Variants in BMAL1 observed in about 807,000 individuals in gnomAD.
BMAL1 encodes basic helix-loop-helix ARNT like 1, also known as basic helix-loop-helix ARNT-like protein 1.
chr11:13,381,560 A>C, the BMAL1 span, among the ~76,000 whole-genome samples: 13 of 152,180 alleles, frequency 8.5e-5, no homozygotes, highest in African/African-American at 2.9e-4. Context: ...AAGATTATTG[A>C]GTACCTCACA....
the BMAL1 span, among the ~76,000 whole-genome samples, chr11:13,323,164 G>A: frequency 6.6e-6 from 1 of 152,004 alleles, no homozygotes; most frequent in Admixed American, 6.6e-5. Flanking sequence ...AAGGGCCCAG[G>A]CAGAAGGAGC....
At chr11:13,337,428 C>T in the BMAL1 span, among the ~76,000 whole-genome samples, 1 of 151,950 alleles carries the variant, frequency 6.6e-6, no homozygotes, top group Non-Finnish European at 1.5e-5. Context: ...CTATTTATAT[C>T]TATTGATATA....
At chr11:13,377,518 G>A in the BMAL1 span, among the ~76,000 whole-genome samples, 24 of 151,976 alleles carry the variant, frequency 1.6e-4, no homozygotes, top group Admixed American at 3.3e-4. Flanking sequence ...AAATCACTTC[G>A]CAACTCTAGT....
chr11:13,364,685 A>C, the BMAL1 span, among the ~76,000 whole-genome samples: 1 of 152,190 alleles, frequency 6.6e-6, no homozygotes, highest in Non-Finnish European at 1.5e-5. Context: ...GCTCTCAGGC[A>C]CTATAGCTTG....
the BMAL1 span, chr11:13,376,587 C>A: frequency 6.4e-7 from 1 of 1,570,070 alleles, no homozygotes; most frequent in Non-Finnish European, 8.8e-7. Context: ...TTGAATGGTG[C>A]ACAGTTCTGA....
At chr11:13,381,706 G>A in the BMAL1 span, among the ~76,000 whole-genome samples, 1 of 152,172 alleles carries the variant, frequency 6.6e-6, no homozygotes, top group African/African-American at 2.4e-5. Context: ...GAATACTTGG[G>A]GATCTGCTGC....
the BMAL1 span, among the ~76,000 whole-genome samples, chr11:13,339,801 G>A: frequency 2.7e-4 from 41 of 152,036 alleles, no homozygotes; most frequent in Admixed American, 5.9e-4. Flanking sequence ...TTCCTCCCGA[G>A]CACTTACTGC....
chr11:13,303,095 A>G, the BMAL1 span, among the ~76,000 whole-genome samples: 1 of 152,320 alleles, frequency 6.6e-6, no homozygotes, highest in African/African-American at 2.4e-5. Flanking sequence ...TGAGGTAGGT[A>G]CTATTACTTC....
the BMAL1 span, chr11:13,354,199 G>T: frequency 1.7e-4 from 25 of 144,584 alleles, no homozygotes; most frequent in South Asian, 4.4e-4. Flanking sequence ...CTCCCCCCCC[G>T]GCCCCCCACC....
the BMAL1 span, chr11:13,354,275 C>T: frequency 6.5e-7 from 1 of 1,534,110 alleles, no homozygotes; most frequent in Admixed American, 1.9e-5. Flanking sequence ...ATAAACACAC[C>T]TTTGTGCCTC....
the BMAL1 span, chr11:13,356,272 C>T: frequency 2.2e-6 from 1 of 457,772 alleles, no homozygotes; most frequent in Non-Finnish European, 4.4e-6. Context: ...TAATTCCACC[C>T]TCCTCACTTC....
the BMAL1 span, among the ~76,000 whole-genome samples, chr11:13,371,219 G>T: frequency 6.6e-6 from 1 of 152,140 alleles, no homozygotes; most frequent in Admixed American, 6.5e-5. Flanking sequence ...GTCTATAGGT[G>T]CTCCACATTT....
chr11:13,362,761 C>T, the BMAL1 span, among the ~76,000 whole-genome samples: 2 of 152,188 alleles, frequency 1.3e-5, no homozygotes, highest in Non-Finnish European at 2.9e-5. Context: ...ATCTCGAGAG[C>T]TGCCGTCGGT....
chr11:13,332,371 A>C, the BMAL1 span, among the ~76,000 whole-genome samples: 1 of 152,300 alleles, frequency 6.6e-6, no homozygotes, highest in Non-Finnish European at 1.5e-5. Flanking sequence ...TGTTTTTCCT[A>C]ATCTTTGATA....
the BMAL1 span, among the ~76,000 whole-genome samples, chr11:13,303,479 C>G: frequency 6.6e-6 from 1 of 152,078 alleles, no homozygotes; most frequent in Admixed American, 6.6e-5. Context: ...CAAAGAAGGC[C>G]TCATTGAGAG....
chr11:13,380,576 A>C, the BMAL1 span: 1 of 152,338 alleles, frequency 6.6e-6, no homozygotes, highest in African/African-American at 2.4e-5. Flanking sequence ...ATTTTTCATC[A>C]ACCACTGCCT....
the BMAL1 span, among the ~76,000 whole-genome samples, chr11:13,352,653 C>G: frequency 2.6e-5 from 4 of 152,196 alleles, no homozygotes; most frequent in South Asian, 8.3e-4. Context: ...GAAATAATTG[C>G]TCAAATGCAA....
the BMAL1 span, among the ~76,000 whole-genome samples, chr11:13,325,293 G>A: frequency 1.3e-5 from 2 of 152,200 alleles, no homozygotes; most frequent in Non-Finnish European, 2.9e-5. Flanking sequence ...AGTCAAGATG[G>A]TGGTGTCAGT....
chr11:13,386,762 ACAT>A, the BMAL1 span: 7 of 1,612,758 alleles, frequency 4.3e-6, no homozygotes, highest in Non-Finnish European at 5.9e-6. Context: ...TGTAAACACT[ACAT>A]GTTGCTTTGG....
Sources: allele counts gnomAD v4.1 joint callset (sites outside exome capture counted in the v4.1 genomes callset), GRCh38; gene constraint gnomAD v4.1.1; transcripts MANE v1.5; gene names NCBI Gene and HGNC (gene_info 2026-07-23, HGNC 2026-07-21).